Variants in APOB observed in about 807,000 individuals in gnomAD.
The protein encoded by APOB is apolipoprotein B-100.
APOB carries 153 observed loss-of-function variants against 314.1 expected under a neutral mutation model. The observed-to-expected ratio is 0.49, with a 90% CI of 0.43 to 0.56. The LOEUF (loss-of-function observed/expected upper bound fraction) is 0.56. Ranked by LOEUF, APOB falls within the 20% of genes least tolerant of loss-of-function variation. The probability of loss-of-function intolerance (pLI) is 0.00; values close to 1 mark genes in which losing one functional copy is unlikely to be tolerated. For synonymous variants in APOB, 2,087 were observed against 2,036.4 expected, an observed-to-expected ratio of 1.02 and a Z score of -0.67; for missense variants, 5,430 against 5,350.7, an observed-to-expected ratio of 1.01 and a Z score of -0.46.
chr2:21,015,099 G>T lies in APOB; in HGVS notation c.3670C>A (p.Arg1224=), dbSNP rs148959244. The change falls in exon 23 of 29, where the codon CGG becomes AGG. Residue 1224 remains arginine (R), a synonymous_variant. Coordinates refer to ENST00000233242, the MANE Select transcript of APOB (RefSeq NM_000384.3). The part of the protein sequence containing the change: ...HRVPQTDMTF[R]HVGSKLIVAM... Reference sequence around the variant, plus strand: ...ACTATTAATTTGGAACCCACGTGCCGGAAAGTCATGTCTGTTTGAGGGACT... The same window carrying T: ...ACTATTAATTTGGAACCCACGTGCCTGAAAGTCATGTCTGTTTGAGGGACT... 6.2e-7 allele frequency: 1 copy of T among 1,614,116 alleles called. No individual in the cohort carries two copies. Among genetic ancestry groups the T allele is most frequent in the East Asian group, 2.2e-5 (1 of 44,874 alleles).
At chr2:21,029,267 T>A (rs1206999019) in intron 12 of APOB, among the ~76,000 whole-genome samples, 1 of 152,164 alleles carries the variant, frequency 6.6e-6, no homozygotes, top group South Asian at 2.1e-4. Flanking sequence ...CTGGCCAACA[T>A]GGCAAAACTC....
rs748569334 is a variant in APOB, at chr2:21,002,698, G to T, written c.12724C>A (p.Leu4242Met). 4.4e-5 allele frequency: 71 copies of T among 1,613,622 alleles called. No individual in the cohort carries two copies. The South Asian group carries it at 7.7e-4, about 17-fold the overall frequency. ...YSKVHNGSEI[L>M]FSYFQDLVIT... ...ACTAGGTCTTGGAAATAGGAAAACA[G>T]TATTTCTGAACCATTATGGACTTTC... The change falls in exon 29 of 29, where the codon CTG becomes ATG. Residue 4242 changes from leucine (L) to methionine (M), a missense_variant. Coordinates refer to ENST00000233242, the MANE Select transcript of APOB (RefSeq NM_000384.3).
At chr2:21,038,475 T>A (rs577102239) in intron 4 of APOB, among the ~76,000 whole-genome samples, 2 of 152,234 alleles carry the variant, frequency 1.3e-5, no homozygotes, top group African/African-American at 4.8e-5. Flanking sequence ...TAGCTAGGAC[T>A]ACTGGCATGT....
chr2:21,035,041 C>T (rs1663967763), intron 7 of APOB, 140 bp from the exon 8 acceptor site: 1 of 743,810 alleles, frequency 1.3e-6, no homozygotes, highest in Non-Finnish European at 2.5e-6. Context: ...ATTGTTGGCC[C>T]TGAATGAATA....
chr2:21,010,874 A>G lies in APOB; in HGVS notation c.5994T>C (p.Ala1998=). The change falls in exon 26 of 29, where the codon GCT becomes GCC. Residue 1998 remains alanine (A), a synonymous_variant. Transcript: ENST00000233242. ...CGCCAATTTTATCTTTAGTGTTGTA[A>G]GCATCCAAGTCCTGGCTGTATTCAT... is the stretch of plus-strand genomic sequence containing the variant. ...NNNEYSQDLD[A]YNTKDKIGVE... The G allele has an allele frequency of 6.2e-7, 1 of 1,614,102 alleles. No individual in the cohort carries two copies. The highest frequency in any genetic ancestry group is 8.5e-7 in the Non-Finnish European group (1 of 1,180,014).
At position 21,043,988 on chromosome 2, in the gene APOB, C is replaced by T. The variant is rs1045650204; in HGVS notation, c.-43G>A. On this transcript the variant is annotated 5_prime_UTR_variant, in exon 1 of 29. Transcript: ENST00000233242. ...CGGCTCCTGGGCTGCGGCCTGGCCT[C>T]GGCCTCGCGGCCCTGGCTGGCTGGG... The T allele has an allele frequency of 9.4e-6, 10 of 1,062,986 alleles. No homozygotes were observed. Among genetic ancestry groups the T allele is most frequent in the South Asian group, 4.0e-5 (1 of 24,700 alleles). 65.8% of individuals were successfully genotyped at this position (1,062,986 alleles called of 1,614,324 possible).
chr2:21,012,419 T>C lies in APOB; in HGVS notation c.4449A>G (p.Glu1483=), dbSNP rs151018874. ...SKKKQHLFVK[E]VKIDGQFRVS... Reference sequence around the variant, plus strand: ...CTCTGAACTGCCCATCAATCTTGACTTCTTTGACAAACAAATGCTGTTTCT... The same window carrying C: ...CTCTGAACTGCCCATCAATCTTGACCTCTTTGACAAACAAATGCTGTTTCT... Residue 1483 remains glutamate, a synonymous_variant, in exon 26 of 29, where the codon GAA becomes GAG. Transcript: ENST00000233242. The C allele has an allele frequency of 9.1e-4, 1,475 of 1,614,216 alleles. 27 individuals carry two copies. In the South Asian group the frequency reaches 0.012, roughly 13 times the overall value.
chr2:21,011,736 C>G lies in APOB; in HGVS notation c.5132G>C (p.Gly1711Ala). Residue 1711 changes from glycine to alanine, a missense_variant, in exon 26 of 29, where the codon GGA becomes GCA. Gly to Ala is a moderately conservative substitution (Grantham distance 60). This residue lies in a region of APOB where 2,085 missense variants were observed against 2,079.7 expected (regional missense o/e 1.00). Transcript: ENST00000233242. The part of the protein sequence containing the change: ...GKAALTELSL[G>A]SAYQAMILGV... Reference sequence around the variant, plus strand: ...CAGAATCATGGCCTGATAAGCACTTCCCAGTGATAGCTCTGTGAGGGCGGC... The same window carrying G: ...CAGAATCATGGCCTGATAAGCACTTGCCAGTGATAGCTCTGTGAGGGCGGC... 1 of 1,614,132 alleles carries G rather than the reference C, an allele frequency of 6.2e-7. No homozygotes were observed. The highest frequency in any genetic ancestry group is 1.1e-5 in the South Asian group (1 of 91,068).
chr2:21,040,964 A>C lies in APOB; in HGVS notation c.357T>G (p.Ser119=), dbSNP rs1572804069. 1.2e-6 allele frequency: 2 copies of C among 1,614,072 alleles called. No homozygotes were observed. The highest frequency in any genetic ancestry group is 1.7e-6 in the Non-Finnish European group (2 of 1,180,024). ...TGGACATGGCTGCAGCAAACTCCTC[A>C]GAGTTCTTGGTTTTCTTCAGCAAGG... is the stretch of plus-strand genomic sequence containing the variant. The part of the protein sequence containing the change: ...GKALLKKTKN[S]EEFAAAMSRY... The change falls in exon 4 of 29, where the codon TCT becomes TCG. Residue 119 remains serine (S), a synonymous_variant. Transcript: ENST00000233242.
intron 4 of APOB, among the ~76,000 whole-genome samples, chr2:21,039,480 C>T (rs1422537169): frequency 6.6e-6 from 1 of 152,194 alleles, no homozygotes; most frequent in Non-Finnish European, 1.5e-5. Flanking sequence ...GCTGCAGCCA[C>T]TCTGGTTACA....
At chr2:21,036,959 C>T in intron 6 of APOB, 141 bp downstream of exon 6, 1 of 1,084,652 alleles carries the variant, frequency 9.2e-7, no homozygotes, top group Non-Finnish European at 1.4e-6. Flanking sequence ...CCCGTGCCTG[C>T]TCAGGGTCCT....
intron 24 of APOB, 39 bp downstream of exon 24, chr2:21,014,409 T>C: frequency 1.9e-6 from 3 of 1,612,112 alleles, no homozygotes; most frequent in Non-Finnish European, 2.5e-6. Context: ...TTCATTTACT[T>C]TGCATGGTTC....
rs138778942 is a variant in APOB at position 21,007,442 on chromosome 2, G to T, written c.9426C>A (p.Ile3142=). ...AGAAATCTTTCAGTGGAGGAGTTGTGATTATTGTGTAAGGTAGACGCATTT... is the reference window on the plus strand; with the variant it reads ...AGAAATCTTTCAGTGGAGGAGTTGTTATTATTGTGTAAGGTAGACGCATTT... ...IPEMRLPYTI[I]TTPPLKDFSL... is the part of the protein sequence containing the mutation. The change falls in exon 26 of 29, where the codon ATC becomes ATA. Residue 3142 remains isoleucine (I), a synonymous_variant. Coordinates refer to ENST00000233242, the MANE Select transcript of APOB (RefSeq NM_000384.3). 1 of 1,613,948 alleles carries T rather than the reference G, an allele frequency of 6.2e-7. No individual in the cohort carries two copies. Among genetic ancestry groups the T allele is most frequent in the Non-Finnish European group, 8.5e-7 (1 of 1,179,982 alleles).
In APOB at chr2:21,013,262, A is replaced by T. The variant is rs140773510; in HGVS notation, c.4114T>A (p.Ser1372Thr). Reference protein sequence around the residue: ...VYSNLYNWSASYSGGNTSTDH... With the variant: ...VYSNLYNWSATYSGGNTSTDH... Reference sequence around the variant, plus strand: ...GTGCTGGTGTTGCCACCACTGTAGGAGGCGGACCAGTTGTACAAGTTGCTG... The same window carrying T: ...GTGCTGGTGTTGCCACCACTGTAGGTGGCGGACCAGTTGTACAAGTTGCTG... Residue 1372 changes from serine to threonine, a missense_variant, in exon 25 of 29, where the codon TCC (serine) becomes ACC (threonine). Transcript: ENST00000233242. The T allele has an allele frequency of 2.2e-5, 35 of 1,614,208 alleles. No homozygotes were observed. In the African/African-American group the frequency reaches 3.7e-4, roughly 17 times the overall value.
chr2:21,008,938 T>G lies in APOB; in HGVS notation c.7930A>C (p.Arg2644=), dbSNP rs1553383425. The G allele has an allele frequency of 1.2e-6, 2 of 1,614,070 alleles. No homozygotes were observed. Among genetic ancestry groups the G allele is most frequent in the Non-Finnish European group, 1.7e-6 (2 of 1,179,954 alleles). Residue 2644 remains arginine (R), a synonymous_variant, in exon 26 of 29, where the codon AGG becomes CGG. Transcript: ENST00000233242. ...ATGGTAAATTCTGGTGTGGAAAACCTGGATGGGATTTTTATATTTTTTAAG... is the reference window on the plus strand; with the variant it reads ...ATGGTAAATTCTGGTGTGGAAAACCGGGATGGGATTTTTATATTTTTTAAG... ...KDLKNIKIPS[R]FSTPEFTILN... is the part of the protein sequence containing the mutation.
chr2:21,021,882 T>C (rs759240428), intron 18 of APOB, among the ~76,000 whole-genome samples: 3 of 152,240 alleles, frequency 2.0e-5, no homozygotes, highest in Non-Finnish European at 4.4e-5. Flanking sequence ...CCTTATAAAA[T>C]GTAAGCGTTC....
At chr2:21,029,841 G>A (rs1440426964) in intron 11 of APOB, 56 bp from the exon 12 acceptor site, 2 of 1,611,772 alleles carry the variant, frequency 1.2e-6, no homozygotes, top group Admixed American at 3.3e-5. Flanking sequence ...GGAAGTAAAA[G>A]GTGTCCAGGA....
At chr2:21,023,179 T>C (rs1663656217) in intron 17 of APOB, 137 bp from the exon 18 acceptor site, 1 of 865,752 alleles carries the variant, frequency 1.2e-6, no homozygotes, top group African/African-American at 1.7e-5. Flanking sequence ...TGGGATTTGT[T>C]TGGAAGAAGG....
intron 1 of APOB, 67 bp downstream of exon 1, chr2:21,043,797 C>G: frequency 2.0e-6 from 3 of 1,525,932 alleles, no homozygotes; most frequent in East Asian, 2.4e-5. Flanking sequence ...CCAGGCTGCC[C>G]CGGCCAACCT....
Sources: gnomAD v4.1 joint callset for allele counts (sites outside exome capture counted in the v4.1 genomes callset) on GRCh38, gnomAD v4.1.1 for gene constraint, gnomAD v4.1.1 regional missense constraint, MANE v1.5 for transcripts, NCBI Gene and HGNC (gene_info 2026-07-23, HGNC 2026-07-21) for gene names.